The following PRKAG2 variants were observed in gnomAD, a reference collection of about 807,000 sequenced individuals.
The protein encoded by PRKAG2 is 5'-AMP-activated protein kinase subunit gamma-2.
Under a neutral mutation model 69.6 loss-of-function variants are expected in PRKAG2, and 26 were observed. The ratio of observed to expected loss-of-function variants is 0.37; its 90% CI spans 0.27 to 0.52. The LOEUF (loss-of-function observed/expected upper bound fraction) is 0.52. PRKAG2 is among the 20% of genes least tolerant of loss of function. PRKAG2 has a pLI of 0.90. For synonymous variants in PRKAG2, 293 were observed against 285.0 expected, an observed-to-expected ratio of 1.03 and a Z score of -0.28; for missense variants, 557 against 740.0, an observed-to-expected ratio of 0.75 and a Z score of 2.87.
At chr7:151,663,389 T>G (rs1011397751) in intron 4 of PRKAG2, among the ~76,000 whole-genome samples, 4 of 152,176 alleles carry the variant, frequency 2.6e-5, no homozygotes, top group Non-Finnish European at 5.9e-5. Context: ...TTTGTTTTTG[T>G]TTTTCAAACA....
chr7:151,606,370 C>T (rs904433696), intron 5 of PRKAG2, among the ~76,000 whole-genome samples: 1 of 152,184 alleles, frequency 6.6e-6, no homozygotes, highest in Middle Eastern at 3.4e-3. Flanking sequence ...ATAGGTGGCA[C>T]CATCTGTGTT....
At chr7:151,649,936 G>A (rs778687946) in intron 4 of PRKAG2, among the ~76,000 whole-genome samples, 1 of 152,114 alleles carries the variant, frequency 6.6e-6, no homozygotes, top group Non-Finnish European at 1.5e-5. Flanking sequence ...AAAGGGATAT[G>A]CAGGTATCTA....
chr7:151,688,028 G>GAGT (rs1835006200), intron 3 of PRKAG2, among the ~76,000 whole-genome samples: 1 of 127,044 alleles, frequency 7.9e-6, no homozygotes, highest in Non-Finnish European at 1.7e-5. Context: ...GGAGGAGGAG[G>GAGT]AGGAGGAAAT....
At position 151,756,841 on chromosome 7, in the gene PRKAG2, T is replaced by G. The variant is rs1389449769; in HGVS notation, c.466+24311A>C. Reference sequence around the variant, plus strand: ...AATCAGAACTGTGACGTCCGTGTATTAAACTCCATCTGCTTTTAGTACGGA... The same window carrying G: ...AATCAGAACTGTGACGTCCGTGTATGAAACTCCATCTGCTTTTAGTACGGA... On this transcript the variant is annotated intron_variant, in intron 3 of 15. Coordinates refer to ENST00000287878, the MANE Select transcript of PRKAG2 (RefSeq NM_016203.4). This position sits in a 1 kb window ranked among gnomAD's most constrained non-coding sequence, Gnocchi z 4.9. 1.3e-5 allele frequency among the ~76,000 whole-genome samples: 2 copies of G among 152,174 alleles called. No individual in the cohort carries two copies. Among genetic ancestry groups the G allele is most frequent in the Non-Finnish European group, 1.5e-5 (1 of 68,032 alleles).
intron 9 of PRKAG2, 101 bp downstream of exon 9, chr7:151,572,563 A>C: frequency 1.2e-6 from 1 of 851,286 alleles, no homozygotes; most frequent in Admixed American, 2.1e-5. Flanking sequence ...ATAACATTTT[A>C]TGGAGCAGAG....
chr7:151,858,481 C>G (rs1213548496), intron 1 of PRKAG2, among the ~76,000 whole-genome samples: 1 of 152,172 alleles, frequency 6.6e-6, no homozygotes, highest in African/African-American at 2.4e-5. Flanking sequence ...AGGGATTGGA[C>G]TAGGTAAGCC....
chr7:151,585,501 G>A (rs983146130), intron 6 of PRKAG2, among the ~76,000 whole-genome samples: 6 of 152,110 alleles, frequency 3.9e-5, no homozygotes, highest in African/African-American at 1.4e-4. Flanking sequence ...CCGAGCACGA[G>A]CCCATGTGTG....
intron 1 of PRKAG2, among the ~76,000 whole-genome samples, chr7:151,795,899 T>C (rs2077510469): frequency 7.6e-6 from 1 of 132,214 alleles, no homozygotes; most frequent in African/African-American, 3.1e-5. Context: ...ATCACGATAA[T>C]ATGTATATGT....
chr7:151,775,751 G>A (rs1365827637), intron 3 of PRKAG2, among the ~76,000 whole-genome samples: 5 of 152,128 alleles, frequency 3.3e-5, no homozygotes, highest in African/African-American at 1.2e-4. Flanking sequence ...TTCCTCCCAG[G>A]GGCCTTGTGT....
chr7:151,736,277 G>C, intron 3 of PRKAG2: 1 of 1,283,358 alleles, frequency 7.8e-7, no homozygotes, highest in Non-Finnish European at 9.9e-7. Flanking sequence ...TGGAGCGTCA[G>C]CCCGGCTGTC....
chr7:151,823,399 C>T (rs35148810), intron 1 of PRKAG2, among the ~76,000 whole-genome samples: 19,323 of 147,302 alleles, frequency 0.13, 1,747 homozygotes, highest in South Asian at 0.2. Flanking sequence ...AGTCTTCACT[C>T]CCAGAACCTC....
intron 1 of PRKAG2, among the ~76,000 whole-genome samples, chr7:151,857,268 C>T (rs914309821): frequency 7.9e-5 from 12 of 152,018 alleles, no homozygotes; most frequent in Non-Finnish European, 1.5e-4. Context: ...CCTTTCTGCT[C>T]CTGCCAGCTC....
rs987438680 is a variant in PRKAG2, at chr7:151,789,097, GTTC to G, written c.115-2559_115-2557del. ...TGGGAAATGTGAGACCTCCAACTTT[GTTC>G]TTCTTTTTTTCAAGACTATTTTCCC... is the stretch of plus-strand genomic sequence containing the variant. On this transcript the variant is annotated intron_variant, in intron 1 of 15. Transcript: ENST00000287878. Among the ~76,000 whole-genome samples, 9 of 151,840 alleles carry G rather than the reference GTTC, an allele frequency of 5.9e-5. No homozygotes were observed. In the South Asian group the frequency reaches 6.2e-4, roughly 11 times the overall value.
chr7:151,831,610 G>T (rs898430690), intron 1 of PRKAG2, among the ~76,000 whole-genome samples: 2 of 152,214 alleles, frequency 1.3e-5, no homozygotes, highest in African/African-American at 2.4e-5. Context: ...CTTACAGCAG[G>T]TTTAGGCAAA....
chr7:151,616,185 G>A (rs1270743766), intron 5 of PRKAG2, among the ~76,000 whole-genome samples: 4 of 152,220 alleles, frequency 2.6e-5, no homozygotes, highest in African/African-American at 9.6e-5. Context: ...TCTCCTCAGG[G>A]TGGGCTTTTG....
chr7:151,634,908 A>G (rs771550727), intron 4 of PRKAG2, among the ~76,000 whole-genome samples: 1 of 151,404 alleles, frequency 6.6e-6, no homozygotes, highest in Non-Finnish European at 1.5e-5. Context: ...TTACTTCTAC[A>G]CTGCTGGTGG....
chr7:151,693,527 A>G (rs966053674), intron 3 of PRKAG2, among the ~76,000 whole-genome samples: 2 of 152,220 alleles, frequency 1.3e-5, no homozygotes, highest in Non-Finnish European at 2.9e-5. Flanking sequence ...TTAGCTTTAA[A>G]AGTTGTGTTT....
At chr7:151,647,094 C>T (rs1827694886) in intron 4 of PRKAG2, among the ~76,000 whole-genome samples, 1 of 152,238 alleles carries the variant, frequency 6.6e-6, no homozygotes, top group African/African-American at 2.4e-5. Context: ...CCCCGTCCAT[C>T]CCCTGTTCTT....
chr7:151,837,729 AATG>A (rs1247398628), intron 1 of PRKAG2, among the ~76,000 whole-genome samples: 7 of 152,092 alleles, frequency 4.6e-5, no homozygotes, highest in African/African-American at 1.7e-4. Flanking sequence ...TTAAGATGCT[AATG>A]ATCTATTAAT....
Sources: gnomAD v4.1 joint callset for allele counts (sites outside exome capture counted in the v4.1 genomes callset) on GRCh38, gnomAD v4.1.1 for gene constraint, Gnocchi (gnomAD v3.1) non-coding constraint, MANE v1.5 for transcripts, NCBI Gene and HGNC (gene_info 2026-07-23, HGNC 2026-07-21) for gene names.